The following RAD9B variants were observed in gnomAD, a reference collection of about 807,000 sequenced individuals.
The protein encoded by RAD9B is cell cycle checkpoint control protein RAD9B.
A neutral mutation model predicts 48.3 loss-of-function variants in RAD9B; 41 were observed. The ratio of observed to expected loss-of-function variants is 0.85; its 90% CI spans 0.66 to 1.10. RAD9B has a LOEUF of 1.10. RAD9B is among the 50% of genes least tolerant of loss of function. The pLI, the probability that RAD9B is intolerant of heterozygous loss-of-function variation, is 0.00. For synonymous variants in RAD9B, 160 were observed against 157.9 expected (o/e 1.01, Z -0.10); for missense variants, 444 against 485.1 (o/e 0.92, Z 0.80).
In RAD9B at chr12:110,506,671, TATTCA is replaced by T. The variant is rs769162368; in HGVS notation, c.371_375del (p.Gln124LeufsTer7). 4.5e-6 allele frequency: 7 copies of T among 1,549,478 alleles called. No individual in the cohort carries two copies. In the African/African-American group the frequency reaches 8.2e-5, roughly 18 times the overall value. Reference sequence around the variant, plus strand: ...CCAGATCTGATAAATGCAAAGTAGTTATTCAATTCTTCTACAGACATGGTAGGTAT... The same window carrying T: ...CCAGATCTGATAAATGCAAAGTAGTTATTCTTCTACAGACATGGTAGGTAT... On this transcript the variant is annotated frameshift_variant, in exon 4 of 11. Coordinates refer to ENST00000409300, the MANE Select transcript of RAD9B (RefSeq NM_001286535.2). LOFTEE classifies it high-confidence loss of function.
intron 4 of RAD9B, among the ~76,000 whole-genome samples, chr12:110,510,780 C>T (rs921579635): frequency 6.6e-6 from 1 of 152,156 alleles, no homozygotes; most frequent in Non-Finnish European, 1.5e-5. Flanking sequence ...ATGGAGAAAC[C>T]TTGTCTCTAC....
At chr12:110,523,076 T>C (rs903417710) in intron 10 of RAD9B, among the ~76,000 whole-genome samples, 1 of 152,206 alleles carries the variant, frequency 6.6e-6, no homozygotes, top group African/African-American at 2.4e-5. Flanking sequence ...ATTGTTGGTT[T>C]GGAGATATGA....
intron 8 of RAD9B, 49 bp from the exon 9 acceptor site, chr12:110,519,745 T>A: frequency 6.4e-7 from 1 of 1,565,002 alleles, no homozygotes; most frequent in Non-Finnish European, 8.6e-7. Context: ...GTGTTTCTAA[T>A]GTCCATCAGA....
chr12:110,523,887 C>G (rs557734526), intron 10 of RAD9B, among the ~76,000 whole-genome samples: 1 of 152,322 alleles, frequency 6.6e-6, no homozygotes, highest in South Asian at 2.1e-4. Flanking sequence ...CTTAATGTGG[C>G]AAACTCCTGC....
chr12:110,528,973 C>A (rs1331913810), intron 10 of RAD9B, among the ~76,000 whole-genome samples: 9 of 152,014 alleles, frequency 5.9e-5, no homozygotes, highest in African/African-American at 9.7e-5. Flanking sequence ...GGTGATCCAC[C>A]CGCCTTGGCC....
chr12:110,516,524 T>A (rs2063604388), intron 6 of RAD9B, among the ~76,000 whole-genome samples: 1 of 151,978 alleles, frequency 6.6e-6, no homozygotes, highest in African/African-American at 2.4e-5. Context: ...AAAAAATATA[T>A]CATTTGGCCG....
At chr12:110,512,718 C>A in intron 4 of RAD9B, 61 bp from the exon 5 acceptor site, 1 of 732,852 alleles carries the variant, frequency 1.4e-6, no homozygotes, top group Non-Finnish European at 2.3e-6. Context: ...AACTTAAAGA[C>A]TTCTTTAATT....
intron 9 of RAD9B, among the ~76,000 whole-genome samples, chr12:110,520,414 G>C (rs532681775): frequency 6.6e-6 from 1 of 151,664 alleles, no homozygotes; most frequent in Non-Finnish European, 1.5e-5. Context: ...GTTTCACCAT[G>C]TTGCCCAGGC....
chr12:110,518,255 T>G (rs1433065014), intron 6 of RAD9B, among the ~76,000 whole-genome samples: 1 of 151,318 alleles, frequency 6.6e-6, no homozygotes, highest in Admixed American at 6.6e-5. Flanking sequence ...TCCCGGCTAT[T>G]CAGAAGACTG....
rs542569738 is a variant in RAD9B at position 110,502,426 on chromosome 12, G to A, written c.46+43G>A. On this transcript the variant is annotated intron_variant, in intron 1 of 10. Transcript: ENST00000409300. The stretch of plus-strand genomic sequence containing the variant: ...GTCTTCCCATTTAGCAGAGAGAAAA[G>A]CAGACGTTAATAGGTCGTCCCTACC... 4 of 1,607,496 alleles carry A rather than the reference G, an allele frequency of 2.5e-6. No homozygotes were observed. In the East Asian group the frequency reaches 8.9e-5, roughly 36 times the overall value.
At chr12:110,522,520 T>C (rs2063818067) in intron 10 of RAD9B, 109 bp downstream of exon 10, 4 of 781,224 alleles carry the variant, frequency 5.1e-6, no homozygotes, top group Non-Finnish European at 6.2e-6. Flanking sequence ...ATTGATTTTC[T>C]TATTTTTTGA....
chr12:110,516,710 T>C (rs1373594401), intron 6 of RAD9B, among the ~76,000 whole-genome samples: 1 of 151,766 alleles, frequency 6.6e-6, no homozygotes, highest in African/African-American at 2.4e-5. Context: ...CTTGGGAGGC[T>C]GAGACAGGGG....
intron 10 of RAD9B, among the ~76,000 whole-genome samples, chr12:110,525,005 T>C (rs1341659756): frequency 6.6e-6 from 1 of 152,180 alleles, no homozygotes; most frequent in Non-Finnish European, 1.5e-5. Context: ...TTTGGTTTTT[T>C]TTAGACGGAG....
At chr12:110,519,062 C>T in intron 8 of RAD9B, 124 bp downstream of exon 8, 1 of 653,240 alleles carries the variant, frequency 1.5e-6, no homozygotes, top group Non-Finnish European at 2.5e-6. Flanking sequence ...TAATACTTAT[C>T]AAACTAAAAT....
chr12:110,528,815 C>A (rs1469681635), intron 10 of RAD9B, among the ~76,000 whole-genome samples: 1 of 152,200 alleles, frequency 6.6e-6, no homozygotes, highest in African/African-American at 2.4e-5. Context: ...ACAACCTCCA[C>A]CTCCCGGGTT....
Position 110,512,860 on chromosome 12 carries a change from C to T in RAD9B, c.470C>T (p.Thr157Met), listed in dbSNP as rs7969568. Residue 157 changes from threonine to methionine, a missense_variant, in exon 5 of 11, where the codon ACG becomes ATG. Coordinates refer to ENST00000409300, the MANE Select transcript of RAD9B (RefSeq NM_001286535.2). The stretch of plus-strand genomic sequence containing the variant: ...TTTGACAAGAATGTTTGTACTAATA[C>T]GCTAATGATTCAACCAAGGTAATGA... The part of the protein sequence containing the change: ...VIFDKNVCTN[T>M]LMIQPRLLAD... 1.7e-3 allele frequency: 2,632 copies of T among 1,538,300 alleles called. 51 individuals carry two copies. In the African/African-American group the frequency reaches 0.032, roughly 19 times the overall value.
intron 3 of RAD9B, 51 bp downstream of exon 3, chr12:110,505,823 T>C: frequency 7.0e-7 from 1 of 1,430,562 alleles, no homozygotes; most frequent in South Asian, 1.2e-5. Context: ...ATATTCATTA[T>C]ATAGGACATA....
chr12:110,513,628 G>A (rs1006768537), intron 5 of RAD9B, among the ~76,000 whole-genome samples: 2 of 151,348 alleles, frequency 1.3e-5, no homozygotes, highest in Admixed American at 6.6e-5. Context: ...CAGTTCAGCT[G>A]TAGCATTAAA....
In RAD9B at chr12:110,505,775, A is replaced by T; in HGVS notation, c.273+3A>T. The stretch of plus-strand genomic sequence containing the variant: ...TAAAATGCAAATTGGGAATGAAGGT[A>T]AATATAAGTGGCCCTGGTTTTCTCT... On this transcript the variant is annotated splice_donor_region_variant and intron_variant, in intron 3 of 10. Coordinates refer to ENST00000409300, the MANE Select transcript of RAD9B (RefSeq NM_001286535.2). 1 of 1,611,334 alleles carries T rather than the reference A, an allele frequency of 6.2e-7. No individual in the cohort carries two copies. The highest frequency in any genetic ancestry group is 8.5e-7 in the Non-Finnish European group (1 of 1,178,548).
Sources: gnomAD v4.1 joint callset for allele counts (sites outside exome capture counted in the v4.1 genomes callset) on GRCh38, gnomAD v4.1.1 for gene constraint, MANE v1.5 for transcripts, NCBI Gene and HGNC (gene_info 2026-07-23, HGNC 2026-07-21) for gene names.